ABTB3: variants seen among roughly 807,000 people sequenced by gnomAD.
The protein encoded by ABTB3 is ankyrin repeat and BTB domain containing 3.
the ABTB3 span, among the ~76,000 whole-genome samples, chr12:107,518,395 A>G: frequency 1.5e-4 from 23 of 152,272 alleles, no homozygotes; most frequent in African/African-American, 4.6e-4. Context: ...GATTAAGAAA[A>G]TGTGGCACAT....
At chr12:107,408,798 C>G in the ABTB3 span, among the ~76,000 whole-genome samples, 1 of 152,188 alleles carries the variant, frequency 6.6e-6, no homozygotes, top group Non-Finnish European at 1.5e-5. Context: ...ACTCTGGCCT[C>G]GGTGACTTTT....
chr12:107,552,662 G>A, the ABTB3 span, among the ~76,000 whole-genome samples: 7 of 152,260 alleles, frequency 4.6e-5, no homozygotes, highest in African/African-American at 1.4e-4. Context: ...TAATGAAATC[G>A]AAGCCCAGAG....
the ABTB3 span, among the ~76,000 whole-genome samples, chr12:107,421,249 C>T: frequency 5.3e-5 from 8 of 152,130 alleles, no homozygotes; most frequent in African/African-American, 9.7e-5. Flanking sequence ...AGTTTTAGAG[C>T]GAGTTGCCAC....
chr12:107,373,377 G>A, the ABTB3 span, among the ~76,000 whole-genome samples: 4 of 152,146 alleles, frequency 2.6e-5, no homozygotes, highest in African/African-American at 9.7e-5. Context: ...AAGCAGAGAA[G>A]CCATTAGCTT....
chr12:107,469,439 A>AT, the ABTB3 span, among the ~76,000 whole-genome samples: 1 of 152,086 alleles, frequency 6.6e-6, no homozygotes, highest in African/African-American at 2.4e-5. Context: ...CTGAGAGTTG[A>AT]TTTTCTCATC....
chr12:107,377,197 T>G, the ABTB3 span, among the ~76,000 whole-genome samples: 3 of 152,120 alleles, frequency 2.0e-5, no homozygotes, highest in African/African-American at 7.2e-5. Context: ...GACTGATTGA[T>G]GTAGGGGTAT....
the ABTB3 span, among the ~76,000 whole-genome samples, chr12:107,370,199 C>A: frequency 6.6e-6 from 1 of 152,242 alleles, no homozygotes; most frequent in Non-Finnish European, 1.5e-5. Flanking sequence ...CCTGATCCCT[C>A]AAATGTCACT....
chr12:107,413,293 G>C, the ABTB3 span, among the ~76,000 whole-genome samples: 2 of 151,966 alleles, frequency 1.3e-5, no homozygotes, highest in African/African-American at 4.8e-5. Flanking sequence ...AAAAAAAAGC[G>C]CATTGAAATT....
the ABTB3 span, among the ~76,000 whole-genome samples, chr12:107,500,222 A>C: frequency 6.6e-6 from 1 of 152,152 alleles, no homozygotes; most frequent in African/African-American, 2.4e-5. Context: ...CTCCTCTGCT[A>C]AGAGTGACCA....
At chr12:107,465,593 G>C in the ABTB3 span, among the ~76,000 whole-genome samples, 1 of 152,164 alleles carries the variant, frequency 6.6e-6, no homozygotes, top group East Asian at 1.9e-4. Context: ...GGGGCAGGGG[G>C]TGCTGGGGGC....
chr12:107,547,088 G>A, the ABTB3 span, among the ~76,000 whole-genome samples: 10 of 152,160 alleles, frequency 6.6e-5, no homozygotes, highest in South Asian at 2.1e-4. Flanking sequence ...CAGCTACTTA[G>A]GGGGCTGAAG....
At chr12:107,613,509 G>A in the ABTB3 span, among the ~76,000 whole-genome samples, 22 of 151,952 alleles carry the variant, frequency 1.4e-4, no homozygotes, top group African/African-American at 4.3e-4. Context: ...TGATACCACC[G>A]CTGCCATGGT....
the ABTB3 span, among the ~76,000 whole-genome samples, chr12:107,423,640 C>T: frequency 2.6e-5 from 4 of 152,046 alleles, no homozygotes; most frequent in Non-Finnish European, 4.4e-5. Flanking sequence ...GATTTGGAGC[C>T]CGTGATGCCA....
chr12:107,412,970 C>T, the ABTB3 span, among the ~76,000 whole-genome samples: 1 of 152,110 alleles, frequency 6.6e-6, no homozygotes, highest in East Asian at 1.9e-4. Flanking sequence ...TTAAAATCTC[C>T]AACTGATTTT....
the ABTB3 span, among the ~76,000 whole-genome samples, chr12:107,602,487 A>T: frequency 1.3e-5 from 2 of 152,248 alleles, no homozygotes; most frequent in Non-Finnish European, 2.9e-5. Context: ...TGCTGAGCGC[A>T]GTACTCTGCT....
chr12:107,324,772 A>G, the ABTB3 span, among the ~76,000 whole-genome samples: 1 of 152,220 alleles, frequency 6.6e-6, no homozygotes, highest in Non-Finnish European at 1.5e-5. Context: ...CTTGAATTAA[A>G]TTTTGTTTTA....
the ABTB3 span, among the ~76,000 whole-genome samples, chr12:107,447,332 G>T: frequency 6.6e-6 from 1 of 152,130 alleles, no homozygotes; most frequent in Non-Finnish European, 1.5e-5. Flanking sequence ...AGTAGAGACG[G>T]GGTTTCAACA....
chr12:107,424,786 C>G, the ABTB3 span, among the ~76,000 whole-genome samples: 4 of 152,188 alleles, frequency 2.6e-5, no homozygotes, highest in African/African-American at 7.2e-5. Flanking sequence ...ACTCATCTCC[C>G]CACATTGCCA....
chr12:107,573,244 T>C, the ABTB3 span, among the ~76,000 whole-genome samples: 1 of 152,280 alleles, frequency 6.6e-6, no homozygotes, highest in East Asian at 1.9e-4. Flanking sequence ...CAGCCAATTG[T>C]GCATGATGGT....
Sources: allele counts gnomAD v4.1 joint callset (sites outside exome capture counted in the v4.1 genomes callset), GRCh38; gene constraint gnomAD v4.1.1; transcripts MANE v1.5; gene names NCBI Gene and HGNC (gene_info 2026-07-23, HGNC 2026-07-21).